The following SGO2 variants were observed in gnomAD, a reference collection of about 807,000 sequenced individuals.
SGO2 encodes the protein shugoshin 2.
A neutral mutation model predicts 99.5 loss-of-function variants in SGO2; 68 were observed. The ratio of observed to expected loss-of-function variants is 0.68; its 90% CI spans 0.56 to 0.84. SGO2 has a LOEUF of 0.84. Among genes scored for constraint, SGO2 ranks in the 40% least tolerant of loss-of-function variants. The pLI, the probability that SGO2 is intolerant of heterozygous loss-of-function variation, is 0.00. For synonymous variants in SGO2, 457 were observed against 487.1 expected (o/e 0.94, Z 0.81); for missense variants, 1,350 against 1,436.7 (o/e 0.94, Z 0.97).
rs533527066 is a variant in SGO2, at chr2:200,559,947, T to C, written c.474-9716T>C. Among the ~76,000 whole-genome samples, 4 of 152,326 alleles carry C rather than the reference T, an allele frequency of 2.6e-5. No homozygotes were observed. In the South Asian group the frequency reaches 8.3e-4, roughly 32 times the overall value. ...TTTTGAAGTATATTGGGAATTTCAT[T>C]AGGACAAAGCTTGATCTAATTTGGT... On this transcript the variant is annotated intron_variant, in intron 5 of 8. Coordinates refer to ENST00000357799, the MANE Select transcript of SGO2 (RefSeq NM_152524.6).
chr2:200,579,654 T>C (rs568833132), intron 8 of SGO2, among the ~76,000 whole-genome samples: 2 of 152,340 alleles, frequency 1.3e-5, no homozygotes, highest in East Asian at 3.9e-4. Flanking sequence ...TAACATGGCA[T>C]CTGTTGATGA....
intron 5 of SGO2, among the ~76,000 whole-genome samples, chr2:200,548,228 G>T (rs186335866): frequency 3.3e-5 from 5 of 151,060 alleles, no homozygotes; most frequent in African/African-American, 1.2e-4. Context: ...CATATCTTAG[G>T]CACAAACAAA....
At chr2:200,544,380 C>A (rs1250075147) in intron 5 of SGO2, among the ~76,000 whole-genome samples, 1 of 152,186 alleles carries the variant, frequency 6.6e-6, no homozygotes, top group African/African-American at 2.4e-5. Context: ...CTGCCGGGTT[C>A]AAGTGATCCT....
intron 5 of SGO2, among the ~76,000 whole-genome samples, chr2:200,549,673 T>C (rs1037637955): frequency 2.0e-5 from 3 of 152,182 alleles, no homozygotes; most frequent in Non-Finnish European, 2.9e-5. Flanking sequence ...TTTCAATAGA[T>C]GCCAAACAGC....
At chr2:200,568,360 TC>T (rs1304687309) in intron 5 of SGO2, among the ~76,000 whole-genome samples, 5 of 152,236 alleles carry the variant, frequency 3.3e-5, no homozygotes, top group Non-Finnish European at 7.3e-5. Flanking sequence ...GTATTGTGTA[TC>T]CCTTGTTGGA....
chr2:200,564,213 C>T (rs2033094995), intron 5 of SGO2, among the ~76,000 whole-genome samples: 1 of 152,240 alleles, frequency 6.6e-6, no homozygotes, highest in Admixed American at 6.5e-5. Context: ...TGTAAATTTC[C>T]CTCTAGACAC....
intron 5 of SGO2, 64 bp downstream of exon 5, chr2:200,542,728 T>TATA: frequency 7.3e-7 from 1 of 1,374,226 alleles, no homozygotes; most frequent in Non-Finnish European, 1.0e-6. Context: ...CAATTAGTGT[T>TATA]TGTGTGTATT....
At chr2:200,532,261 C>CA in intron 1 of SGO2, 1 of 489,666 alleles carries the variant, frequency 2.0e-6, no homozygotes, top group Non-Finnish European at 2.6e-6. Context: ...GTGCAGGTGA[C>CA]AGAGTTTTTT....
chr2:200,559,507 G>A (rs1017351730), intron 5 of SGO2, among the ~76,000 whole-genome samples: 3 of 151,960 alleles, frequency 2.0e-5, no homozygotes, highest in Non-Finnish European at 4.4e-5. Context: ...TCTTGGGGTA[G>A]TTTAGATTAT....
chr2:200,576,263 A>G (rs2033660000), intron 8 of SGO2, among the ~76,000 whole-genome samples: 1 of 150,706 alleles, frequency 6.6e-6, no homozygotes, highest in Non-Finnish European at 1.5e-5. Context: ...ATTGAGAGAT[A>G]TAATTCACAC....
At chr2:200,583,285 A>G (rs1297799263) in intron 8 of SGO2, among the ~76,000 whole-genome samples, 164 bp from the exon 9 acceptor site, 2 of 152,224 alleles carry the variant, frequency 1.3e-5, no homozygotes, top group Admixed American at 1.3e-4. Context: ...AGTGAGAACT[A>G]TAAGATTTAA....
At chr2:200,580,640 T>C in intron 8 of SGO2, 1 of 271,638 alleles carries the variant, frequency 3.7e-6, no homozygotes, top group South Asian at 3.2e-5. Context: ...GAGACCAGCC[T>C]GGGCAACACA....
rs2881746 is a variant in SGO2 at position 200,570,180 on chromosome 2, C to T, written c.703+288C>T. On this transcript the variant is annotated intron_variant, in intron 6 of 8. Transcript: ENST00000357799. The surrounding 1 kb of genome is among the most constrained non-coding windows in gnomAD (Gnocchi z 4.4). ...ATCTTAGCTTATGATTTGAAAGATA[C>T]CATATATTTACTTAGTTTTACCCTC... 0.18 allele frequency: 67,250 copies of T among 374,814 alleles called. 6,650 individuals carry two copies. Among genetic ancestry groups the T allele is most frequent in the Non-Finnish European group, 0.21 (43,569 of 211,694 alleles). The allele number at this position is 374,814 out of a possible 1,614,324, so 23.2% of individuals were successfully genotyped here. A position where few individuals can be genotyped will look rare whatever the true frequency, so the allele number is the denominator to read the frequency against.
chr2:200,542,657 T>G lies in SGO2; in HGVS notation c.466T>G (p.Phe156Val). The G allele has an allele frequency of 6.2e-7, 1 of 1,612,556 alleles. No homozygotes were observed. The highest frequency in any genetic ancestry group is 8.5e-7 in the Non-Finnish European group (1 of 1,179,092). Residue 156 changes from phenylalanine to valine, a missense_variant, in exon 5 of 9, where the codon TTT becomes GTT. Coordinates refer to ENST00000357799, the MANE Select transcript of SGO2 (RefSeq NM_152524.6). ...ACAGTGCAAGTTGATGCGTCTTCCA[T>G]TTGCAAGGTAAATATGGGCTTGAAT... Reference protein sequence around the residue: ...SKQCKLMRLPFARVPLTSNDD... With the variant: ...SKQCKLMRLPVARVPLTSNDD...
intron 1 of SGO2, among the ~76,000 whole-genome samples, chr2:200,528,544 G>T (rs1170209101): frequency 6.6e-6 from 1 of 152,136 alleles, no homozygotes; most frequent in Admixed American, 6.6e-5. Flanking sequence ...AGGTTGGGGT[G>T]GGGGGAGTTT....
At chr2:200,552,450 C>T (rs1052813636) in intron 5 of SGO2, among the ~76,000 whole-genome samples, 4 of 152,168 alleles carry the variant, frequency 2.6e-5, no homozygotes, top group African/African-American at 9.7e-5. Flanking sequence ...ACTCCATAAG[C>T]AGAGCAGTGG....
In SGO2 at chr2:200,573,704, G is replaced by A; in HGVS notation, c.3358G>A (p.Glu1120Lys). The change falls in exon 7 of 9, where the codon GAG (glutamate) becomes AAG (lysine). Residue 1120 changes from glutamate (E) to lysine (K), a missense_variant. By Grantham distance (56) the Glu-to-Lys change is moderately conservative. Transcript: ENST00000357799. The part of the protein sequence containing the change: ...SEQADKENNL[E>K]NEKMVKNKPD... ...ACAAGCTGATAAGGAAAACAATTTG[G>A]AGAATGAGAAAATGGTCAAAAATAA... The A allele has an allele frequency of 6.2e-7, 1 of 1,612,912 alleles. No homozygotes were observed. The highest frequency in any genetic ancestry group is 8.5e-7 in the Non-Finnish European group (1 of 1,179,452).
chr2:200,533,622 A>T, intron 2 of SGO2, among the ~76,000 whole-genome samples: 1 of 151,394 alleles, frequency 6.6e-6, no homozygotes. Context: ...TGAATTCTGG[A>T]GTTAAGGCAT....
chr2:200,541,577 T>G (rs2031958803), intron 4 of SGO2, among the ~76,000 whole-genome samples: 1 of 152,192 alleles, frequency 6.6e-6, no homozygotes, highest in South Asian at 2.1e-4. Flanking sequence ...ATAATAAACT[T>G]TATTTTTTTC....
Sources: gnomAD v4.1 joint callset for allele counts (sites outside exome capture counted in the v4.1 genomes callset) on GRCh38, gnomAD v4.1.1 for gene constraint, Gnocchi (gnomAD v3.1) non-coding constraint, MANE v1.5 for transcripts, NCBI Gene and HGNC (gene_info 2026-07-23, HGNC 2026-07-21) for gene names.